PTPN1: variants seen among roughly 807,000 people sequenced by gnomAD.
PTPN1 encodes the protein tyrosine-protein phosphatase non-receptor type 1.
PTPN1 carries 12 observed loss-of-function variants against 59.9 expected under a neutral mutation model. The observed-to-expected ratio is 0.20, with a 90% confidence interval of 0.13 to 0.32. PTPN1 has a LOEUF of 0.32. Among genes scored for constraint, PTPN1 ranks in the 10% least tolerant of loss-of-function variants. The pLI is 1.00. For synonymous variants in PTPN1, 178 were observed against 203.6 expected (o/e 0.87, Z 1.07); for missense variants, 356 against 549.2 (o/e 0.65, Z 3.52).
chr20:50,552,405 T>C (rs927514610), intron 1 of PTPN1, among the ~76,000 whole-genome samples: 38 of 152,232 alleles, frequency 2.5e-4, no homozygotes, highest in Non-Finnish European at 4.1e-4. Flanking sequence ...TTACTGTCAC[T>C]GTGGTTTCAG....
intron 1 of PTPN1, among the ~76,000 whole-genome samples, chr20:50,553,101 TA>T (rs2082710558): frequency 7.0e-6 from 1 of 142,818 alleles, no homozygotes; most frequent in African/African-American, 3.1e-5. Flanking sequence ...AAGGAATTTT[TA>T]TGTTTGGTTC....
At position 50,578,685 on chromosome 20, in the gene PTPN1, G is replaced by T. The variant is rs148476912; in HGVS notation, c.702+56G>T. ...GCTCCTCTACCTGCTCTGCTGTGAT[G>T]TTTTTTCCTAAGTAGAAACTGAAGC... On this transcript the variant is annotated intron_variant, in intron 6 of 9. Transcript: ENST00000371621. 2,829 of 1,456,502 alleles carry T rather than the reference G, an allele frequency of 1.9e-3. 7 individuals carry two copies. The highest frequency in any genetic ancestry group is 3.0e-3 in the Admixed American group (141 of 47,310). 90.2% of individuals were successfully genotyped at this position (1,456,502 alleles called of 1,614,324 possible). A position where few individuals can be genotyped will look rare whatever the true frequency, so the allele number is the denominator to read the frequency against.
intron 5 of PTPN1, among the ~76,000 whole-genome samples, chr20:50,577,058 TAC>T (rs1330322233): frequency 1.3e-5 from 2 of 152,134 alleles, no homozygotes; most frequent in Non-Finnish European, 2.9e-5. Flanking sequence ...TATCCTAACA[TAC>T]ACAAATTTCT....
intron 1 of PTPN1, among the ~76,000 whole-genome samples, chr20:50,530,765 T>G (rs575603052): frequency 6.7e-6 from 1 of 150,236 alleles, no homozygotes; most frequent in South Asian, 2.1e-4. Flanking sequence ...CAGTCAAAAC[T>G]CACTGGCAGC....
intron 1 of PTPN1, among the ~76,000 whole-genome samples, chr20:50,553,875 A>G (rs1413423896): frequency 6.6e-6 from 1 of 152,222 alleles, no homozygotes; most frequent in Admixed American, 6.5e-5. Context: ...TTAATAGTTT[A>G]GGCACTGCAG....
intron 1 of PTPN1, among the ~76,000 whole-genome samples, chr20:50,553,448 A>G (rs1017645882): frequency 3.3e-5 from 5 of 152,214 alleles, no homozygotes; most frequent in African/African-American, 9.6e-5. Flanking sequence ...CTGGCTGGAT[A>G]CAGTGTACAC....
chr20:50,515,726 T>G (rs2082526223), intron 1 of PTPN1, among the ~76,000 whole-genome samples: 1 of 152,216 alleles, frequency 6.6e-6, no homozygotes, highest in Admixed American at 6.5e-5. Context: ...GAGTTGGGAT[T>G]GAATTGATGG....
chr20:50,567,156 G>A (rs961890715), intron 3 of PTPN1, among the ~76,000 whole-genome samples: 8 of 152,304 alleles, frequency 5.3e-5, no homozygotes, highest in African/African-American at 1.7e-4. Context: ...GGCCGGGGAC[G>A]GTGGCTTACG....
intron 4 of PTPN1, among the ~76,000 whole-genome samples, chr20:50,570,460 T>C (rs1016993552): frequency 6.6e-6 from 1 of 152,220 alleles, no homozygotes; most frequent in African/African-American, 2.4e-5. Context: ...ACTTTTTCAG[T>C]GAAAGGTGGT....
intron 1 of PTPN1, among the ~76,000 whole-genome samples, chr20:50,551,644 T>G (rs923381912): frequency 6.6e-6 from 1 of 152,190 alleles, no homozygotes; most frequent in African/African-American, 2.4e-5. Context: ...AGGAGGCTCT[T>G]AAAAAACCAC....
chr20:50,536,793 AT>A (rs1428613823), intron 1 of PTPN1, among the ~76,000 whole-genome samples: 1 of 152,066 alleles, frequency 6.6e-6, no homozygotes, highest in Non-Finnish European at 1.5e-5. Flanking sequence ...TTTATAAAAT[AT>A]TTTTTACATG....
Position 50,510,457 on chromosome 20 carries a change from C to G in PTPN1, c.-71C>G. On this transcript the variant is annotated 5_prime_UTR_variant, in exon 1 of 10. Transcript: ENST00000371621. ...TTGCAGCGGGCCTCGGGGCTAAGAG[C>G]GCGACGCGGCCTAGAGCGGCAGACG... The G allele has an allele frequency of 2.6e-6, 4 of 1,510,034 alleles. No homozygotes were observed. Among genetic ancestry groups the G allele is most frequent in the Admixed American group, 4.2e-5 (2 of 48,084 alleles). 93.5% of individuals were successfully genotyped at this position (1,510,034 alleles called of 1,614,324 possible). A position where few individuals can be genotyped will look rare whatever the true frequency, so the allele number is the denominator to read the frequency against.
chr20:50,546,981 A>G (rs150553045), intron 1 of PTPN1, among the ~76,000 whole-genome samples: 1 of 152,316 alleles, frequency 6.6e-6, no homozygotes, highest in East Asian at 1.9e-4. Context: ...CAGAAGTGAA[A>G]GTAGATTTAA....
intron 1 of PTPN1, among the ~76,000 whole-genome samples, chr20:50,551,182 C>G (rs1347426347): frequency 6.6e-6 from 1 of 152,152 alleles, no homozygotes; most frequent in East Asian, 1.9e-4. Flanking sequence ...CATGTTACCC[C>G]TTTGTGTTCA....
At chr20:50,517,252 TA>T (rs1478870054) in intron 1 of PTPN1, among the ~76,000 whole-genome samples, 1 of 152,188 alleles carries the variant, frequency 6.6e-6, no homozygotes, top group Non-Finnish European at 1.5e-5. Flanking sequence ...TTTTAAAGTT[TA>T]TTTTTTTAAT....
chr20:50,575,104 G>T, intron 5 of PTPN1: 1 of 158,380 alleles, frequency 6.3e-6, no homozygotes, highest in Non-Finnish European at 1.4e-5. Context: ...TTTTTGTTGT[G>T]GGAAGAGTTT....
At chr20:50,522,963 A>C (rs1362355122) in intron 1 of PTPN1, among the ~76,000 whole-genome samples, 1 of 146,190 alleles carries the variant, frequency 6.8e-6, no homozygotes, top group African/African-American at 2.5e-5. Context: ...ATGGGGTTTC[A>C]TCATGTTGGC....
chr20:50,534,331 T>C (rs754844789), intron 1 of PTPN1, among the ~76,000 whole-genome samples: 2 of 152,228 alleles, frequency 1.3e-5, no homozygotes, highest in Admixed American at 6.5e-5. Flanking sequence ...ACACATTTAA[T>C]TATTTTTGCC....
Position 50,510,406 on chromosome 20 carries a change from G to T in PTPN1, c.-122G>T. The T allele has an allele frequency of 1.9e-6, 2 of 1,055,024 alleles. No homozygotes were observed. The highest frequency in any genetic ancestry group is 2.7e-6 in the Non-Finnish European group (2 of 733,922). 65.4% of individuals were successfully genotyped at this position (1,055,024 alleles called of 1,614,324 possible). On this transcript the variant is annotated 5_prime_UTR_variant, in exon 1 of 10. Coordinates refer to ENST00000371621, the MANE Select transcript of PTPN1 (RefSeq NM_002827.4). ...ACATGAAGAAGCAGCAGCGGCTAGG[G>T]CGGCGGTAGCTGCAGGGGTCGGGGA... is the stretch of plus-strand genomic sequence containing the variant.
Sources: gnomAD v4.1 joint callset for allele counts (sites outside exome capture counted in the v4.1 genomes callset) on GRCh38, gnomAD v4.1.1 for gene constraint, MANE v1.5 for transcripts, NCBI Gene and HGNC (gene_info 2026-07-23, HGNC 2026-07-21) for gene names.